Variants in LSAMP observed in about 807,000 individuals in gnomAD.
LSAMP encodes limbic system associated membrane protein, also known as limbic system-associated membrane protein.
LSAMP carries 7 observed loss-of-function variants against 38.6 expected under a neutral mutation model. The observed-to-expected ratio is 0.18, with a 90% confidence interval of 0.10 to 0.34. The LOEUF is 0.34. Ranked by LOEUF, LSAMP falls within the 10% of genes least tolerant of loss-of-function variation. LSAMP has a pLI of 1.00. For missense variants in LSAMP, 313 were observed against 420.0 expected, an observed-to-expected ratio of 0.75 and a Z score of 2.23; for synonymous variants, 154 against 166.8, an observed-to-expected ratio of 0.92 and a Z score of 0.59.
intron 1 of LSAMP, among the ~76,000 whole-genome samples, chr3:116,386,959 G>A (rs2048634146): frequency 1.3e-5 from 2 of 152,066 alleles, no homozygotes; most frequent in South Asian, 4.1e-4. Context: ...TAAACTCATG[G>A]GCTAAGATAC....
intron 1 of LSAMP, among the ~76,000 whole-genome samples, chr3:116,203,318 G>A (rs1661647460): frequency 6.6e-6 from 1 of 152,068 alleles, no homozygotes; most frequent in Admixed American, 6.5e-5. Flanking sequence ...TTTTTATCAT[G>A]AATATATATA....
intron 3 of LSAMP, among the ~76,000 whole-genome samples, chr3:115,855,879 T>C (rs1439771227): frequency 2.6e-5 from 4 of 152,220 alleles, no homozygotes; most frequent in Admixed American, 2.0e-4. Context: ...TCATGCTTCC[T>C]TTCCCTATTC....
At chr3:116,303,074 A>T (rs1265869861) in intron 1 of LSAMP, among the ~76,000 whole-genome samples, 1 of 151,770 alleles carries the variant, frequency 6.6e-6, no homozygotes, top group African/African-American at 2.4e-5. Context: ...TATGAAATTA[A>T]TGTGCACCCA....
chr3:116,298,132 A>G (rs2047360567), intron 1 of LSAMP, among the ~76,000 whole-genome samples: 1 of 152,068 alleles, frequency 6.6e-6, no homozygotes, highest in Admixed American at 6.6e-5. Flanking sequence ...CCATCTAGCT[A>G]TCCATTGTGC....
At chr3:116,397,103 A>T (rs577607683) in intron 1 of LSAMP, among the ~76,000 whole-genome samples, 6 of 152,186 alleles carry the variant, frequency 3.9e-5, no homozygotes, top group Admixed American at 3.9e-4. Flanking sequence ...CCTCTTCCCA[A>T]ATGGCACTTA....
intron 2 of LSAMP, among the ~76,000 whole-genome samples, chr3:116,043,173 T>C (rs1941212786): frequency 6.6e-6 from 1 of 152,224 alleles, no homozygotes; most frequent in Admixed American, 6.5e-5. Flanking sequence ...ATGGTTTTAC[T>C]TATTACCATT....
intron 3 of LSAMP, among the ~76,000 whole-genome samples, chr3:115,929,506 C>G (rs6790335): frequency 0.81 from 123,144 of 151,974 alleles, 51,377 homozygotes; most frequent in East Asian, 0.98. Flanking sequence ...GCTCTAAAGA[C>G]AAAAAACTTT....
At chr3:116,202,866 T>C (rs1449471228) in intron 1 of LSAMP, among the ~76,000 whole-genome samples, 4 of 152,166 alleles carry the variant, frequency 2.6e-5, no homozygotes, top group Non-Finnish European at 5.9e-5. Context: ...CCTCTGCAAA[T>C]TAAGTATTCA....
In LSAMP at chr3:116,444,879, G is replaced by A. The variant is rs754472833; in HGVS notation, c.153C>T (p.Leu51=). Residue 51 remains leucine (L), a splice_region_variant and synonymous_variant, in exon 1 of 7, where the codon CTC becomes CTT. Coordinates refer to ENST00000490035, the MANE Select transcript of LSAMP (RefSeq NM_002338.5). ...ITVRQGDTAI[L]RCVVEDKNSK... is the part of the protein sequence containing the mutation. ...GAAAAGTTGCCCGAAAGCCCTACCT[G>A]AGGATGGCTGTGTCCCCCTGCCTCA... is the stretch of plus-strand genomic sequence containing the variant. 5.0e-6 allele frequency: 8 copies of A among 1,614,042 alleles called. No individual in the cohort carries two copies. The highest frequency in any genetic ancestry group is 6.8e-6 in the Non-Finnish European group (8 of 1,180,022).
intron 1 of LSAMP, among the ~76,000 whole-genome samples, chr3:116,409,351 A>G (rs2048941481): frequency 6.6e-6 from 1 of 151,944 alleles, no homozygotes; most frequent in Admixed American, 6.6e-5. Context: ...GTCTTTTTGT[A>G]AGGTCTTTTT....
chr3:116,331,555 G>C (rs2047851808), intron 1 of LSAMP, among the ~76,000 whole-genome samples: 2 of 152,138 alleles, frequency 1.3e-5, no homozygotes, highest in Admixed American at 1.3e-4. Flanking sequence ...ATTCACATCA[G>C]AAACTTGGAT....
In LSAMP at chr3:115,849,202, C is replaced by G. The variant is rs75766536; in HGVS notation, c.649+3281G>C. ...AAGAGATTTTGAGCCAATATTTTAG[C>G]TTTCCGTAAATTCCAGGACCTCCTA... is the stretch of plus-strand genomic sequence containing the variant. On this transcript the variant is annotated intron_variant, in intron 4 of 6. Coordinates refer to ENST00000490035, the MANE Select transcript of LSAMP (RefSeq NM_002338.5). Among the ~76,000 whole-genome samples the G allele has an allele frequency of 4.5e-4, 68 of 152,304 alleles. No homozygotes were observed. In the East Asian group the frequency reaches 0.013, roughly 28 times the overall value.
chr3:115,810,940 A>G (rs1051293444), intron 6 of LSAMP, among the ~76,000 whole-genome samples: 1 of 152,198 alleles, frequency 6.6e-6, no homozygotes, highest in African/African-American at 2.4e-5. Context: ...ACTGTTTTAA[A>G]GTAATGCTTA....
At chr3:115,982,933 T>TC (rs1939406287) in intron 3 of LSAMP, among the ~76,000 whole-genome samples, 1 of 91,450 alleles carries the variant, frequency 1.1e-5, no homozygotes, top group African/African-American at 5.2e-5. Flanking sequence ...TATGGAGACT[T>TC]TTTTTTTTTT....
At chr3:116,245,134 T>C (rs2046588482) in intron 1 of LSAMP, among the ~76,000 whole-genome samples, 1 of 152,134 alleles carries the variant, frequency 6.6e-6, no homozygotes, top group Non-Finnish European at 1.5e-5. Flanking sequence ...CCCTAATCAA[T>C]ATGACTGATG....
intron 1 of LSAMP, among the ~76,000 whole-genome samples, chr3:116,135,869 A>G (rs1331054340): frequency 6.6e-6 from 1 of 152,188 alleles, no homozygotes; most frequent in African/African-American, 2.4e-5. Flanking sequence ...AGGCAGGCTG[A>G]TTCCAGGGTG....
At chr3:115,840,250 C>T (rs952763403) in intron 6 of LSAMP, among the ~76,000 whole-genome samples, 2 of 152,148 alleles carry the variant, frequency 1.3e-5, no homozygotes, top group Non-Finnish European at 1.5e-5. Context: ...AATCTCTATA[C>T]AACCTTCTTT....
chr3:116,004,585 G>A (rs1212870467), intron 3 of LSAMP, among the ~76,000 whole-genome samples: 1 of 148,428 alleles, frequency 6.7e-6, no homozygotes, highest in Non-Finnish European at 1.5e-5. Flanking sequence ...TATACATTTG[G>A]TTTGATGTCT....
At chr3:116,166,592 A>T (rs1710054899) in intron 1 of LSAMP, among the ~76,000 whole-genome samples, 1 of 152,148 alleles carries the variant, frequency 6.6e-6, no homozygotes, top group African/African-American at 2.4e-5. Context: ...ATGCATGTAT[A>T]TATGTACATA....
Sources: allele counts gnomAD v4.1 joint callset (sites outside exome capture counted in the v4.1 genomes callset), GRCh38; gene constraint gnomAD v4.1.1; transcripts MANE v1.5; gene names NCBI Gene and HGNC (gene_info 2026-07-23, HGNC 2026-07-21).